Variants in IL34 observed in about 807,000 individuals in gnomAD.
IL34 encodes interleukin 34, also known as interleukin-34.
Under a neutral mutation model 25.3 loss-of-function variants are expected in IL34, and 17 were observed. That is an observed-to-expected ratio of 0.67 (90% CI 0.46 to 1.01). The LOEUF (loss-of-function observed/expected upper bound fraction) is 1.01. IL34 is among the 50% of genes least tolerant of loss of function. The pLI, the probability that IL34 is intolerant of heterozygous loss-of-function variation, is 0.00. For synonymous variants in IL34, 174 were observed against 140.9 expected, an observed-to-expected ratio of 1.23 and a Z score of -1.66; for missense variants, 368 against 312.9, an observed-to-expected ratio of 1.18 and a Z score of -1.33.
At chr16:70,633,349 G>A (rs1014789926) in intron 1 of IL34, among the ~76,000 whole-genome samples, 3 of 151,546 alleles carry the variant, frequency 2.0e-5, no homozygotes, top group Non-Finnish European at 4.4e-5. Flanking sequence ...GACCTCCCAG[G>A]CTAAAGCGAT....
chr16:70,640,884 T>C (rs980558315), intron 1 of IL34, among the ~76,000 whole-genome samples: 3 of 152,156 alleles, frequency 2.0e-5, no homozygotes, highest in Non-Finnish European at 2.9e-5. Flanking sequence ...GTCACCGATA[T>C]AATTTCTGTC....
At chr16:70,655,147 G>A (rs2052183445) in intron 2 of IL34, among the ~76,000 whole-genome samples, 1 of 151,240 alleles carries the variant, frequency 6.6e-6, no homozygotes, top group Admixed American at 6.6e-5. Context: ...CCACCTCCCC[G>A]GTTCCAGTGA....
At chr16:70,654,395 G>C (rs1341796181) in intron 1 of IL34, 143 bp from the exon 2 acceptor site, 3 of 1,124,054 alleles carry the variant, frequency 2.7e-6, no homozygotes, top group Non-Finnish European at 3.7e-6. Context: ...AAGCATTCCA[G>C]ATCCCGTGCC....
chr16:70,660,272 G>T lies in IL34; in HGVS notation c.*85G>T. The stretch of plus-strand genomic sequence containing the variant: ...TGGGTCTGAGACTTCAAGGGGTGGT[G>T]GTGGGAGCCCCCCTTGGGAGAGGAC... On this transcript the variant is annotated 3_prime_UTR_variant, in exon 6 of 6. Coordinates refer to ENST00000288098, the MANE Select transcript of IL34 (RefSeq NM_001393494.1). 1 of 1,296,064 alleles carries T rather than the reference G, an allele frequency of 7.7e-7. No homozygotes were observed. Among genetic ancestry groups the T allele is most frequent in the East Asian group, 2.5e-5 (1 of 40,202 alleles). 80.3% of individuals were successfully genotyped at this position (1,296,064 alleles called of 1,614,324 possible).
At chr16:70,625,065 A>G (rs1261683064) in intron 1 of IL34, among the ~76,000 whole-genome samples, 1 of 152,098 alleles carries the variant, frequency 6.6e-6, no homozygotes, top group African/African-American at 2.4e-5. Context: ...AGGATGGAAA[A>G]ATTCAAAGTG....
chr16:70,647,962 G>T (rs541602417), intron 1 of IL34, among the ~76,000 whole-genome samples: 2 of 152,214 alleles, frequency 1.3e-5, no homozygotes, highest in Non-Finnish European at 2.9e-5. Context: ...TAGACCTGGG[G>T]TCATGAGGCC....
At chr16:70,656,888 C>A (rs984639401) in intron 3 of IL34, 72 bp from the exon 4 acceptor site, 2 of 1,509,958 alleles carry the variant, frequency 1.3e-6, no homozygotes, top group African/African-American at 1.4e-5. Context: ...AGGGGCAAGT[C>A]CCTGGTGAGG....
chr16:70,643,233 T>G (rs1567459964), upstream of IL34, among the ~76,000 whole-genome samples: 1 of 151,936 alleles, frequency 6.6e-6, no homozygotes, highest in Admixed American at 6.6e-5. Context: ...TGGCTAATCT[T>G]TTGTATGTTT....
chr16:70,619,947 G>T (rs932567750), intron 1 of IL34, among the ~76,000 whole-genome samples: 2 of 152,182 alleles, frequency 1.3e-5, no homozygotes, highest in Non-Finnish European at 2.9e-5. Flanking sequence ...GTGGGAGGAG[G>T]TTCTGGAGGA....
chr16:70,652,771 G>C (rs1038938732), intron 1 of IL34, among the ~76,000 whole-genome samples: 22 of 152,242 alleles, frequency 1.4e-4, no homozygotes, highest in African/African-American at 4.6e-4. Flanking sequence ...AAAGAGTATA[G>C]ACATTTTTAA....
intron 1 of IL34, among the ~76,000 whole-genome samples, chr16:70,595,262 G>T (rs1474552832): frequency 1.3e-5 from 2 of 151,342 alleles, no homozygotes; most frequent in African/African-American, 4.9e-5. Context: ...TGCCTGGCCT[G>T]CATTTCAATT....
intron 1 of IL34, among the ~76,000 whole-genome samples, chr16:70,588,747 A>G (rs749884938): frequency 6.6e-6 from 1 of 152,234 alleles, no homozygotes; most frequent in Non-Finnish European, 1.5e-5. Flanking sequence ...ATTCTGACAC[A>G]TGCTACAACG....
chr16:70,656,484 A>G, intron 2 of IL34, 118 bp from the exon 3 acceptor site: 1 of 739,924 alleles, frequency 1.4e-6, no homozygotes, highest in Non-Finnish European at 2.4e-6. Flanking sequence ...CTGCCCCTGC[A>G]CTCCATACTG....
At chr16:70,624,895 G>T (rs2051358090) in intron 1 of IL34, among the ~76,000 whole-genome samples, 1 of 151,936 alleles carries the variant, frequency 6.6e-6, no homozygotes, top group Non-Finnish European at 1.5e-5. Context: ...GACGCTTGGG[G>T]TTGGGACTGA....
intron 1 of IL34, among the ~76,000 whole-genome samples, chr16:70,629,013 C>T (rs1318157853): frequency 6.6e-6 from 1 of 152,136 alleles, no homozygotes; most frequent in Non-Finnish European, 1.5e-5. Flanking sequence ...TGGTCTCAAA[C>T]TCCTGGCCTC....
chr16:70,598,463 G>A (rs1056351935), intron 1 of IL34, among the ~76,000 whole-genome samples: 3 of 152,174 alleles, frequency 2.0e-5, no homozygotes, highest in Admixed American at 2.0e-4. Context: ...TTTTGGCTGG[G>A]CGCAGTGGCT....
At chr16:70,658,357 G>GAT (rs1006909688) in intron 4 of IL34, among the ~76,000 whole-genome samples, 10 of 152,098 alleles carry the variant, frequency 6.6e-5, no homozygotes, top group Non-Finnish European at 7.4e-5. Flanking sequence ...TTGTTTTAGA[G>GAT]ATGGGGGTCT....
chr16:70,616,608 A>G (rs1278868313), intron 1 of IL34, among the ~76,000 whole-genome samples: 2 of 152,168 alleles, frequency 1.3e-5, no homozygotes, highest in Non-Finnish European at 2.9e-5. Flanking sequence ...GTGCTGGATT[A>G]TCATTAGTTC....
At chr16:70,630,589 T>C (rs887224906) in intron 1 of IL34, among the ~76,000 whole-genome samples, 2 of 151,568 alleles carry the variant, frequency 1.3e-5, no homozygotes, top group Non-Finnish European at 2.9e-5. Flanking sequence ...TTTTTCTTTT[T>C]TTTTTCTGAG....
Sources: allele counts gnomAD v4.1 joint callset (sites outside exome capture counted in the v4.1 genomes callset), GRCh38; gene constraint gnomAD v4.1.1; transcripts MANE v1.5; gene names NCBI Gene and HGNC (gene_info 2026-07-23, HGNC 2026-07-21).